The following JARID2 variants were observed in gnomAD, a reference collection of about 807,000 sequenced individuals.
The protein encoded by JARID2 is protein Jumonji.
JARID2 carries 21 observed loss-of-function variants against 125.6 expected under a neutral mutation model. The observed-to-expected ratio is 0.17, with a 90% CI of 0.12 to 0.24. The LOEUF (loss-of-function observed/expected upper bound fraction) is 0.24. Ranked by LOEUF, JARID2 falls within the 10% of genes least tolerant of loss-of-function variation. The pLI is 1.00. For missense variants in JARID2, 1,303 were observed against 1,639.6 expected (o/e 0.79, Z 3.55); for synonymous variants, 736 against 661.6 (o/e 1.11, Z -1.73).
At position 15,500,935 on chromosome 6, in the gene JARID2, T is replaced by C; in HGVS notation, c.1974T>C (p.Phe658=). 1 of 1,612,224 alleles carries C rather than the reference T, an allele frequency of 6.2e-7. No individual in the cohort carries two copies. Residue 658 remains phenylalanine (F), a synonymous_variant, in exon 8 of 18, where the codon TTT becomes TTC. Coordinates refer to ENST00000341776, the MANE Select transcript of JARID2 (RefSeq NM_004973.4). ...IGGCELDLAC[F]FRLINEMGGM... is the part of the protein sequence containing the mutation. ...GCTGTGAGCTCGACCTGGCCTGCTT[T>C]TTCCGGCTGATTAATGAGATGGGCG...
intron 8 of JARID2, among the ~76,000 whole-genome samples, chr6:15,502,818 C>T (rs933956793): frequency 1.3e-5 from 2 of 152,106 alleles, no homozygotes; most frequent in Non-Finnish European, 2.9e-5. Flanking sequence ...GGTGGGGATG[C>T]GGTGTGGGGG....
intron 2 of JARID2, 151 bp from the exon 3 acceptor site, chr6:15,410,073 C>A: frequency 1.6e-6 from 1 of 617,304 alleles, no homozygotes; most frequent in Non-Finnish European, 2.6e-6. Context: ...TTTTGCTTTT[C>A]TCCACCCATT....
rs560456309 is a variant in JARID2, at chr6:15,400,155, G to C, written c.182-10069G>C. ...AAACAGCTTCTGTTTGATTAGATTA[G>C]ATCAATTTATGTGCCTCGGGGAGGG... is the stretch of plus-strand genomic sequence containing the variant. On this transcript the variant is annotated intron_variant, in intron 2 of 17. Transcript: ENST00000341776. 3.3e-5 allele frequency among the ~76,000 whole-genome samples: 5 copies of C among 152,206 alleles called. No individual in the cohort carries two copies. In the South Asian group the frequency reaches 1.0e-3, roughly 32 times the overall value.
At chr6:15,457,181 A>G (rs1355799544) in intron 4 of JARID2, among the ~76,000 whole-genome samples, 1 of 152,156 alleles carries the variant, frequency 6.6e-6, no homozygotes. Flanking sequence ...CTTATGTTCC[A>G]TTTGGTGAAT....
At chr6:15,438,811 C>T (rs1767324035) in intron 3 of JARID2, among the ~76,000 whole-genome samples, 1 of 152,148 alleles carries the variant, frequency 6.6e-6, no homozygotes, top group African/African-American at 2.4e-5. Flanking sequence ...GGCGGATTGC[C>T]TGAGGTCAGG....
At position 15,497,154 on chromosome 6, in the gene JARID2, C is replaced by T. The variant is rs751397993; in HGVS notation, c.1929C>T (p.Asp643=). The T allele has an allele frequency of 5.4e-5, 84 of 1,549,306 alleles. No individual in the cohort carries two copies. Among genetic ancestry groups the T allele is most frequent in the East Asian group, 3.2e-4 (13 of 40,956 alleles). ...KHLKSQGITM[D]ELPLIGGCEL... is the part of the protein sequence containing the mutation. ...TCAAATCTCAGGGCATCACCATGGA[C>T]GAGCTCCCGCTCATAGGTAGGTCTG... Residue 643 remains aspartate (D), a synonymous_variant, in exon 7 of 18, where the codon GAC becomes GAT. Transcript: ENST00000341776.
intron 7 of JARID2, among the ~76,000 whole-genome samples, chr6:15,500,648 A>G (rs944814805): frequency 1.3e-5 from 2 of 152,066 alleles, no homozygotes; most frequent in Non-Finnish European, 2.9e-5. Context: ...CCCAGCTTAA[A>G]TGCTGCCTCC....
intron 1 of JARID2, among the ~76,000 whole-genome samples, chr6:15,347,986 T>TCAAGAGGGCG (rs1433881277): frequency 6.6e-6 from 1 of 152,152 alleles, no homozygotes; most frequent in African/African-American, 2.4e-5. Flanking sequence ...ACTCCTGGGC[T>TCAAGAGGGCG]CAAGAGGAAG....
chr6:15,323,413 A>G (rs1762423958), intron 1 of JARID2, among the ~76,000 whole-genome samples: 1 of 152,132 alleles, frequency 6.6e-6, no homozygotes, highest in Non-Finnish European at 1.5e-5. Flanking sequence ...CTTCATAGAT[A>G]TGTGGCTTGG....
chr6:15,340,143 C>A (rs1763019831), intron 1 of JARID2, among the ~76,000 whole-genome samples: 1 of 151,988 alleles, frequency 6.6e-6, no homozygotes, highest in Admixed American at 6.6e-5. Context: ...TATTTTTGTC[C>A]ACTGCACCCG....
intron 3 of JARID2, among the ~76,000 whole-genome samples, chr6:15,436,341 C>T (rs759394384): frequency 3.3e-5 from 5 of 152,162 alleles, no homozygotes; most frequent in Non-Finnish European, 7.4e-5. Flanking sequence ...GCGGGCTGCA[C>T]GCTGGTCGAT....
chr6:15,320,850 CTCTGTGTGTG>C (rs1431569906), intron 1 of JARID2, among the ~76,000 whole-genome samples: 1 of 135,020 alleles, frequency 7.4e-6, no homozygotes, highest in African/African-American at 2.8e-5. Context: ...CTCTCTCTCT[CTCTGTGTGTG>C]TGTGTGTGTG....
intron 2 of JARID2, among the ~76,000 whole-genome samples, chr6:15,379,034 C>T (rs1394364653): frequency 6.6e-6 from 1 of 152,100 alleles, no homozygotes; most frequent in African/African-American, 2.4e-5. Context: ...AGCTCAGCTG[C>T]CCTGGTTCTG....
In JARID2 at chr6:15,511,336, G is replaced by A. The variant is rs1470266847; in HGVS notation, c.2887G>A (p.Val963Met). 2 of 1,613,906 alleles carry A rather than the reference G, an allele frequency of 1.2e-6. No individual in the cohort carries two copies. Among genetic ancestry groups the A allele is most frequent in the Non-Finnish European group, 1.7e-6 (2 of 1,179,994 alleles). Residue 963 changes from valine (V) to methionine (M), a missense_variant, in exon 13 of 18, where the codon GTG (valine) becomes ATG (methionine). This residue lies in a region of JARID2 where 190 missense variants were observed against 341.4 expected (regional missense o/e 0.56). Coordinates refer to ENST00000341776, the MANE Select transcript of JARID2 (RefSeq NM_004973.4). The part of the protein sequence containing the change: ...PAEEENKLED[V>M]VHTLLQANGT... ...TGAGGAGGAGAACAAGCTGGAAGAT[G>A]TGGTCCACACCCTGCTGCAAGCCAA...
intron 8 of JARID2, among the ~76,000 whole-genome samples, 177 bp from the exon 9 acceptor site, chr6:15,504,323 C>T (rs1019806441): frequency 1.1e-4 from 16 of 152,234 alleles, no homozygotes; most frequent in African/African-American, 3.6e-4. Context: ...CCTCTTGGCA[C>T]TGCGGGTTCT....
Position 15,342,008 on chromosome 6 carries a change from AG to A in JARID2, c.46-32101del, listed in dbSNP as rs553505847. Among the ~76,000 whole-genome samples the A allele has an allele frequency of 9.2e-5, 14 of 151,852 alleles. No individual in the cohort carries two copies. The East Asian group carries it at 1.2e-3, about 13-fold the overall frequency. On this transcript the variant is annotated intron_variant, in intron 1 of 17. Coordinates refer to ENST00000341776, the MANE Select transcript of JARID2 (RefSeq NM_004973.4). ...ATTTGGGCTTTCTGCTAAAATAAAAAGGGGGGGGACAGCATTTATACCACAC... is the reference window on the plus strand; with the variant it reads ...ATTTGGGCTTTCTGCTAAAATAAAAAGGGGGGGACAGCATTTATACCACAC...
At chr6:15,279,450 C>T (rs980543082) in intron 1 of JARID2, among the ~76,000 whole-genome samples, 4 of 152,218 alleles carry the variant, frequency 2.6e-5, no homozygotes, top group Non-Finnish European at 2.9e-5. Flanking sequence ...CCCCATGGCA[C>T]GGCTTACTGC....
intron 1 of JARID2, among the ~76,000 whole-genome samples, chr6:15,284,193 T>A (rs1373198884): frequency 6.6e-6 from 1 of 152,134 alleles, no homozygotes. Flanking sequence ...AACACCACCC[T>A]CCAGCTTGCA....
At chr6:15,346,069 GTC>G (rs911271203) in intron 1 of JARID2, among the ~76,000 whole-genome samples, 2 of 152,172 alleles carry the variant, frequency 1.3e-5, no homozygotes, top group African/African-American at 4.8e-5. Context: ...TCTGATAAAA[GTC>G]TGTTGTCAGA....
Sources: gnomAD v4.1 joint callset for allele counts (sites outside exome capture counted in the v4.1 genomes callset) on GRCh38, gnomAD v4.1.1 for gene constraint, gnomAD v4.1.1 regional missense constraint, MANE v1.5 for transcripts, NCBI Gene and HGNC (gene_info 2026-07-23, HGNC 2026-07-21) for gene names.